Variants in ERC2 observed in about 807,000 individuals in gnomAD.
ERC2 encodes the protein ERC protein 2.
Under a neutral mutation model 114.8 loss-of-function variants are expected in ERC2, and 42 were observed. The observed-to-expected ratio is 0.37, with a 90% CI of 0.29 to 0.47. The LOEUF is 0.47. Ranked by LOEUF, ERC2 falls within the 20% of genes least tolerant of loss-of-function variation. The pLI is 0.99. For missense variants in ERC2, 939 were observed against 1,150.7 expected (o/e 0.82, Z 2.66); for synonymous variants, 454 against 425.5 (o/e 1.07, Z -0.82).
rs143734709 is a variant in ERC2 at position 55,569,052 on chromosome 3, C to T, written c.*40-57776G>A. Among the ~76,000 whole-genome samples the T allele has an allele frequency of 1.4e-3, 219 of 152,236 alleles. 1 individual carries two copies. The highest frequency in any genetic ancestry group is 4.6e-3 in the African/African-American group (191 of 41,548). ...CCTTCACTCAAATATGACATTCTCA[C>T]GGAAGCATTCCCTTGGGCCTATACA... On this transcript the variant is annotated intron_variant, in intron 17 of 17. Transcript: ENST00000288221.
intron 17 of ERC2, among the ~76,000 whole-genome samples, chr3:55,669,995 A>G (rs1019163608): frequency 1.3e-5 from 2 of 152,246 alleles, no homozygotes. Flanking sequence ...GGTAGGGAAG[A>G]AAATAAAAAC....
intron 17 of ERC2, among the ~76,000 whole-genome samples, chr3:55,660,225 G>A (rs565308335): frequency 1.4e-4 from 22 of 152,220 alleles, no homozygotes; most frequent in South Asian, 4.2e-4. Flanking sequence ...ACATCAACCC[G>A]CACCCCCACC....
chr3:56,391,033 T>C (rs1258964189), intron 2 of ERC2, among the ~76,000 whole-genome samples: 1 of 152,208 alleles, frequency 6.6e-6, no homozygotes, highest in Non-Finnish European at 1.5e-5. Context: ...GTCAGTTTAA[T>C]GGGAACAACA....
At chr3:55,769,758 T>C (rs1302069642) in intron 14 of ERC2, among the ~76,000 whole-genome samples, 1 of 152,096 alleles carries the variant, frequency 6.6e-6, no homozygotes, top group African/African-American at 2.4e-5. Flanking sequence ...AGTGTCACAC[T>C]TCATCTTAAG....
chr3:55,633,964 T>G (rs888060788), intron 17 of ERC2, among the ~76,000 whole-genome samples: 2 of 152,160 alleles, frequency 1.3e-5, no homozygotes, highest in Non-Finnish European at 2.9e-5. Context: ...ATGGCCTCTA[T>G]AGAGACTTCA....
rs111476411 is a variant in ERC2 at position 55,816,772 on chromosome 3, C to CAA, written c.2564+71615_2564+71616dup. ...TATCTGGGGAAAACAAAAACAAAAA[C>CAA]AAAAAAAAACGAAAAACACCCCAAG... On this transcript the variant is annotated intron_variant, in intron 14 of 17. Transcript: ENST00000288221. 5.8e-3 allele frequency among the ~76,000 whole-genome samples: 862 copies of CAA among 149,408 alleles called. 9 individuals carry two copies. Among genetic ancestry groups the CAA allele is most frequent in the African/African-American group, 0.02 (819 of 40,692 alleles).
intron 2 of ERC2, among the ~76,000 whole-genome samples, chr3:56,411,280 G>A (rs1215486532): frequency 1.3e-5 from 2 of 151,348 alleles, no homozygotes; most frequent in East Asian, 4.0e-4. Flanking sequence ...AAATATTAAC[G>A]CCTCCTCCAT....
rs76538982 is a variant in ERC2, at chr3:55,944,806, A to G, written c.2403+5619T>C. ...TCGCGGAGGATTATAGTGTGAAAGA[A>G]AAACAAATGTCAAAATAAATCCCCA... On this transcript the variant is annotated intron_variant, in intron 13 of 17. Transcript: ENST00000288221. 5.4e-3 allele frequency among the ~76,000 whole-genome samples: 830 copies of G among 152,332 alleles called. 11 individuals carry two copies. Among genetic ancestry groups the G allele is most frequent in the African/African-American group, 0.019 (797 of 41,576 alleles).
In ERC2 at chr3:56,118,665, C is replaced by T. The variant is rs569631923; in HGVS notation, c.1473+20844G>A. ...TTTTTTTTTTTTTTTGAGACAGAGT[C>T]TTGCTCTGTCGCCCAGGCTGGAGTG... On this transcript the variant is annotated intron_variant, in intron 6 of 17. Coordinates refer to ENST00000288221, the MANE Select transcript of ERC2 (RefSeq NM_015576.3). Among the ~76,000 whole-genome samples, 34 of 133,402 alleles carry T rather than the reference C, an allele frequency of 2.5e-4. 1 individual carries two copies. In the South Asian group the frequency reaches 7.8e-3, roughly 31 times the overall value. 87.5% of individuals were successfully genotyped at this position (133,402 alleles called of 152,430 possible).
chr3:55,748,614 A>T (rs762419345), intron 14 of ERC2, among the ~76,000 whole-genome samples: 12 of 152,208 alleles, frequency 7.9e-5, no homozygotes, highest in Non-Finnish European at 1.6e-4. Context: ...TGCAAAGAAG[A>T]TATCCCTGAA....
chr3:55,622,957 C>T (rs1282506137), intron 17 of ERC2, among the ~76,000 whole-genome samples: 1 of 152,158 alleles, frequency 6.6e-6, no homozygotes, highest in Admixed American at 6.5e-5. Flanking sequence ...CAAAATTCCC[C>T]AGCTGTGGAG....
intron 3 of ERC2, among the ~76,000 whole-genome samples, chr3:56,221,380 A>G (rs1257242325): frequency 6.9e-6 from 1 of 145,298 alleles, no homozygotes; most frequent in African/African-American, 2.5e-5. Context: ...AGTCTACAAA[A>G]GTTGTCATCT....
intron 2 of ERC2, among the ~76,000 whole-genome samples, chr3:56,372,735 A>C (rs2059402330): frequency 6.6e-6 from 1 of 152,168 alleles, no homozygotes; most frequent in Non-Finnish European, 1.5e-5. Context: ...CTTGAAAAAA[A>C]AGAAAGAAAA....
chr3:55,851,522 A>T (rs1223713639), intron 14 of ERC2, among the ~76,000 whole-genome samples: 4 of 152,316 alleles, frequency 2.6e-5, no homozygotes, highest in Middle Eastern at 3.4e-3. Flanking sequence ...AAACTTGAAG[A>T]TCACCAGGGC....
chr3:55,547,419 C>T (rs2054833182), intron 17 of ERC2, among the ~76,000 whole-genome samples: 1 of 152,242 alleles, frequency 6.6e-6, no homozygotes, highest in Non-Finnish European at 1.5e-5. Flanking sequence ...CTTATCGTTT[C>T]TGCAGGGGGG....
intron 3 of ERC2, among the ~76,000 whole-genome samples, chr3:56,228,288 G>A (rs1204758146): frequency 3.9e-5 from 6 of 152,136 alleles, no homozygotes; most frequent in East Asian, 1.9e-4. Context: ...TTGTGCAACC[G>A]TCACCACCAT....
At chr3:55,998,380 G>A (rs907112459) in intron 10 of ERC2, among the ~76,000 whole-genome samples, 1 of 152,088 alleles carries the variant, frequency 6.6e-6, no homozygotes, top group African/African-American at 2.4e-5. Context: ...GCAATGTAGA[G>A]AACTGAGGTA....
intron 7 of ERC2, among the ~76,000 whole-genome samples, chr3:56,033,667 T>A (rs2074615314): frequency 6.6e-6 from 1 of 152,212 alleles, no homozygotes; most frequent in Non-Finnish European, 1.5e-5. Context: ...GGTTGGCAGG[T>A]TTTTTTCTTC....
At chr3:55,537,673 G>T (rs1359692176) in intron 17 of ERC2, among the ~76,000 whole-genome samples, 2 of 152,142 alleles carry the variant, frequency 1.3e-5, no homozygotes, top group African/African-American at 2.4e-5. Flanking sequence ...CAGATACAAA[G>T]AAATCATAAG....
Sources: allele counts gnomAD v4.1 joint callset (sites outside exome capture counted in the v4.1 genomes callset), GRCh38; gene constraint gnomAD v4.1.1; transcripts MANE v1.5; gene names NCBI Gene and HGNC (gene_info 2026-07-23, HGNC 2026-07-21).